Variants in WDR11 observed in about 807,000 individuals in gnomAD.
WDR11 encodes WD repeat-containing protein 11.
In WDR11, 83 loss-of-function variants were observed where a neutral mutation model predicts 151.2. The ratio of observed to expected loss-of-function variants is 0.55; its 90% CI spans 0.46 to 0.66. The LOEUF is 0.66. Ranked by LOEUF, WDR11 falls within the 30% of genes least tolerant of loss-of-function variation. The pLI is 0.00. For synonymous variants in WDR11, 484 were observed against 533.1 expected (o/e 0.91, Z 1.27); for missense variants, 1,301 against 1,480.9 (o/e 0.88, Z 1.99).
At chr10:120,906,238 G>T in intron 27 of WDR11, 1 of 1,434,996 alleles carries the variant, frequency 7.0e-7, no homozygotes, top group South Asian at 1.5e-5. Flanking sequence ...CTAATATGCT[G>T]ATCAGACTTA....
intron 17 of WDR11, chr10:120,889,461 C>T (rs1319028887): frequency 1.5e-5 from 6 of 407,840 alleles, no homozygotes; most frequent in African/African-American, 2.0e-5. Flanking sequence ...AGGATGGTCT[C>T]GATCTCCTGA....
At chr10:120,858,895 C>T (rs905837377) in intron 3 of WDR11, 99 bp downstream of exon 3, 2 of 1,446,814 alleles carry the variant, frequency 1.4e-6, no homozygotes, top group South Asian at 1.2e-5. Context: ...TTAATTTTAT[C>T]AATTCCAAGT....
At position 120,855,356 on chromosome 10, in the gene WDR11, C is replaced by T. The variant is rs188447291; in HGVS notation, c.198+2721C>T. Among the ~76,000 whole-genome samples the T allele has an allele frequency of 1.4e-3, 213 of 151,978 alleles. 2 individuals are homozygous for T. The highest frequency in any genetic ancestry group is 1.8e-3 in the Non-Finnish European group (120 of 67,998). On this transcript the variant is annotated intron_variant, in intron 2 of 28. Transcript: ENST00000263461. The stretch of plus-strand genomic sequence containing the variant: ...GATTTCATCATGCTATTCAGAAAAG[C>T]GCATAATTTATGAATTGTTTATTTT...
At chr10:120,864,603 CAG>C (rs1846249675) in intron 5 of WDR11, among the ~76,000 whole-genome samples, 1 of 152,116 alleles carries the variant, frequency 6.6e-6, no homozygotes, top group African/African-American at 2.4e-5. Flanking sequence ...CAAAGCCATA[CAG>C]ATAGTCCAGT....
intron 8 of WDR11, 79 bp downstream of exon 8, chr10:120,866,843 TAGG>T (rs959565239): frequency 1.9e-5 from 28 of 1,492,880 alleles, no homozygotes; most frequent in South Asian, 1.1e-4. Context: ...ATCATAAAAA[TAGG>T]AGGGCTGGTT....
chr10:120,890,054 A>G (rs1387966669), intron 18 of WDR11, 45 bp downstream of exon 18: 2 of 1,356,446 alleles, frequency 1.5e-6, no homozygotes, highest in Middle Eastern at 1.8e-4. Flanking sequence ...ATTGTTAGCC[A>G]TAGGAACTGT....
Position 120,893,732 on chromosome 10 carries a change from C to T in WDR11, c.2515+2845C>T, listed in dbSNP as rs1313805490. Among the ~76,000 whole-genome samples the T allele has an allele frequency of 7.9e-5, 12 of 151,620 alleles. No homozygotes were observed. In the East Asian group the frequency reaches 9.7e-4, roughly 12 times the overall value. ...CTAACTGGTGTGAGATGGTATCTCA[C>T]TGTGGTTTTGAGTTGCATTTCTCTG... On this transcript the variant is annotated intron_variant, in intron 19 of 28. Coordinates refer to ENST00000263461, the MANE Select transcript of WDR11 (RefSeq NM_018117.12).
At position 120,885,903 on chromosome 10, in the gene WDR11, C is replaced by T. The variant is rs1847199725; in HGVS notation, c.1938C>T (p.Asp646=). 1 of 1,613,698 alleles carries T rather than the reference C, an allele frequency of 6.2e-7. No individual in the cohort carries two copies. Among genetic ancestry groups the T allele is most frequent in the Admixed American group, 1.7e-5 (1 of 59,980 alleles). ...EAMARQTVVS[D]TELSIVESSV... ...TGGCCCGCCAGACCGTAGTCTCAGA[C>T]ACAGAGCTGAGTATTGTTGAATCAT... is the stretch of plus-strand genomic sequence containing the variant. The change falls in exon 15 of 29, where the codon GAC becomes GAT. Residue 646 remains aspartate, a synonymous_variant. Coordinates refer to ENST00000263461, the MANE Select transcript of WDR11 (RefSeq NM_018117.12).
chr10:120,906,471 G>T, intron 27 of WDR11: 1 of 1,276,690 alleles, frequency 7.8e-7, no homozygotes, highest in East Asian at 3.9e-5. Context: ...ACGGAAATAT[G>T]ACAAAAGATT....
chr10:120,862,115 T>G (rs1221556933), intron 4 of WDR11, among the ~76,000 whole-genome samples: 1 of 151,048 alleles, frequency 6.6e-6, no homozygotes, highest in Non-Finnish European at 1.5e-5. Context: ...GTTAAAGTTT[T>G]TTTGTTTGTT....
At chr10:120,892,735 C>T (rs1847468775) in intron 19 of WDR11, among the ~76,000 whole-genome samples, 1 of 152,186 alleles carries the variant, frequency 6.6e-6, no homozygotes, top group Admixed American at 6.5e-5. Context: ...TAGGCCACTT[C>T]TTCCTCCAAT....
In WDR11 at chr10:120,858,768, G is replaced by T; in HGVS notation, c.324G>T (p.Glu108Asp). The T allele has an allele frequency of 1.9e-6, 3 of 1,614,186 alleles. No homozygotes were observed. In the African/African-American group the frequency reaches 4.0e-5, roughly 22 times the overall value. The change falls in exon 3 of 29, where the codon GAG (glutamate) becomes GAT (aspartate). Residue 108 changes from glutamate to aspartate, a missense_variant. This residue lies in a region of WDR11 where 692 missense variants were observed against 762.5 expected (regional missense o/e 0.91). Coordinates refer to ENST00000263461, the MANE Select transcript of WDR11 (RefSeq NM_018117.12). ...TAGCAGCAGGAGTAGCTCAGTGTGA[G>T]ATCCAAGAGCATGCCAAGCCTATCC... The part of the protein sequence containing the change: ...WDVAAGVAQC[E>D]IQEHAKPIQD...
In WDR11 at chr10:120,865,163, A is replaced by G; in HGVS notation, c.830A>G (p.Gln277Arg). The change falls in exon 6 of 29, where the codon CAG becomes CGG. Residue 277 changes from glutamine (Q) to arginine (R), a missense_variant. Gln to Arg is a conservative substitution (Grantham distance 43). Around this residue, in one of 3 missense-constraint regions of WDR11, gnomAD observed 692 missense variants for 762.5 expected, o/e 0.91. Coordinates refer to ENST00000263461, the MANE Select transcript of WDR11 (RefSeq NM_018117.12). ...EILILDLEVN[Q>R]TVGVIAIERT... ...TTAATCCTTGACCTTGAGGTGAATCAGACGGTGGGTGTGATTGCAATAGAA... is the reference window on the plus strand; with the variant it reads ...TTAATCCTTGACCTTGAGGTGAATCGGACGGTGGGTGTGATTGCAATAGAA... The G allele has an allele frequency of 6.2e-7, 1 of 1,613,966 alleles. No individual in the cohort carries two copies. The highest frequency in any genetic ancestry group is 1.3e-5 in the African/African-American group (1 of 75,058).
intron 17 of WDR11, 34 bp downstream of exon 17, chr10:120,889,218 T>TA (rs750750588): frequency 2.7e-4 from 364 of 1,346,066 alleles, no homozygotes; most frequent in African/African-American, 4.6e-4. Context: ...GTTATTTCAT[T>TA]AAAAAAAAGA....
At chr10:120,868,115 G>A (rs1444630019) in intron 9 of WDR11, among the ~76,000 whole-genome samples, 1 of 152,052 alleles carries the variant, frequency 6.6e-6, no homozygotes, top group Non-Finnish European at 1.5e-5. Flanking sequence ...TATTATTTAG[G>A]AGGGTTTTTT....
chr10:120,864,580 G>A (rs1846248682), intron 5 of WDR11, among the ~76,000 whole-genome samples: 1 of 152,100 alleles, frequency 6.6e-6, no homozygotes, highest in South Asian at 2.1e-4. Context: ...CAGCCAAGGG[G>A]AAGTTACTTG....
At chr10:120,859,204 A>T (rs913006484) in intron 3 of WDR11, among the ~76,000 whole-genome samples, 30 of 152,072 alleles carry the variant, frequency 2.0e-4, no homozygotes, top group African/African-American at 7.0e-4. Flanking sequence ...TCTCATTTTC[A>T]TATAGATTGC....
Position 120,904,704 on chromosome 10 carries a change from G to A in WDR11, c.3086G>A (p.Cys1029Tyr). 1 of 1,614,184 alleles carries A rather than the reference G, an allele frequency of 6.2e-7. No homozygotes were observed. Among genetic ancestry groups the A allele is most frequent in the Non-Finnish European group, 8.5e-7 (1 of 1,180,028 alleles). ...AGTGCAGATAACCAGCATTATTACT[G>A]TGATTCACTGAAAGCCTGTTTAGTC... is the stretch of plus-strand genomic sequence containing the variant. ...ETSADNQHYY[C>Y]DSLKACLVTT... Residue 1029 changes from cysteine (C) to tyrosine (Y), a missense_variant, in exon 25 of 29, where the codon TGT becomes TAT. Cys to Tyr is a radical substitution (Grantham distance 194, BLOSUM62 -2). Transcript: ENST00000263461.
chr10:120,908,309 G>A (rs1718108117), intron 28 of WDR11: 13 of 508,698 alleles, frequency 2.6e-5, no homozygotes, highest in Non-Finnish European at 4.6e-5. Context: ...TCTGGAAGGA[G>A]AAGCTTTGGA....
Sources: gnomAD v4.1 joint callset for allele counts (sites outside exome capture counted in the v4.1 genomes callset) on GRCh38, gnomAD v4.1.1 for gene constraint, gnomAD v4.1.1 regional missense constraint, MANE v1.5 for transcripts, NCBI Gene and HGNC (gene_info 2026-07-23, HGNC 2026-07-21) for gene names.